Variants in ADGRB3 observed in about 807,000 individuals in gnomAD.
ADGRB3 encodes brain-specific angiogenesis inhibitor 3.
A neutral mutation model predicts 193.4 loss-of-function variants in ADGRB3; 37 were observed. The observed-to-expected ratio is 0.19, with a 90% CI of 0.15 to 0.25. ADGRB3 has a LOEUF of 0.25. ADGRB3 is among the 10% of genes least tolerant of loss of function. ADGRB3 has a pLI of 1.00. For synonymous variants in ADGRB3, 690 were observed against 644.2 expected, an observed-to-expected ratio of 1.07 and a Z score of -1.08; for missense variants, 1,637 against 1,852.9, an observed-to-expected ratio of 0.88 and a Z score of 2.14.
chr6:68,936,950 A>G (rs1007614099), intron 5 of ADGRB3, among the ~76,000 whole-genome samples: 3 of 152,296 alleles, frequency 2.0e-5, no homozygotes, highest in Middle Eastern at 3.4e-3. Context: ...TTAAGGTTCA[A>G]TTATCTTTCT....
chr6:68,997,682 A>C (rs144435613), intron 11 of ADGRB3, among the ~76,000 whole-genome samples: 1 of 127,800 alleles, frequency 7.8e-6, no homozygotes, highest in Non-Finnish European at 1.6e-5. Flanking sequence ...TAAATAAATA[A>C]ATAAAATTAT....
intron 20 of ADGRB3, among the ~76,000 whole-genome samples, chr6:69,290,381 G>C (rs188937374): frequency 1.3e-5 from 2 of 152,084 alleles, no homozygotes; most frequent in Non-Finnish European, 2.9e-5. Flanking sequence ...ATTGGTAGCA[G>C]GAGCTGGTCT....
intron 3 of ADGRB3, among the ~76,000 whole-genome samples, chr6:68,732,651 C>T (rs1372509249): frequency 6.6e-6 from 1 of 151,830 alleles, no homozygotes; most frequent in African/African-American, 2.4e-5. Flanking sequence ...GTTTAAAGTG[C>T]CTGAGATCGT....
At chr6:68,838,330 C>T (rs868249939) in intron 3 of ADGRB3, among the ~76,000 whole-genome samples, 4 of 152,312 alleles carry the variant, frequency 2.6e-5, no homozygotes, top group Non-Finnish European at 5.9e-5. Context: ...CATTTATAAA[C>T]TGTAAAACTC....
chr6:68,639,511 A>T, intron 3 of ADGRB3, 79 bp downstream of exon 3: 1 of 1,403,844 alleles, frequency 7.1e-7, no homozygotes, highest in Non-Finnish European at 9.4e-7. Context: ...TTCAACACAC[A>T]GGCCTAATTA....
intron 20 of ADGRB3, among the ~76,000 whole-genome samples, chr6:69,256,962 A>G (rs1582583660): frequency 8.5e-6 from 1 of 117,694 alleles, no homozygotes; most frequent in Non-Finnish European, 1.9e-5. Flanking sequence ...TGAGATAATC[A>G]TGTGGTTTTT....
chr6:69,384,144 C>T (rs1770010895), intron 31 of ADGRB3, among the ~76,000 whole-genome samples: 1 of 151,918 alleles, frequency 6.6e-6, no homozygotes, highest in Non-Finnish European at 1.5e-5. Context: ...TATAGCATGG[C>T]TATGATCATT....
chr6:68,945,812 G>T (rs570646196), intron 6 of ADGRB3, among the ~76,000 whole-genome samples: 43 of 152,200 alleles, frequency 2.8e-4, no homozygotes, highest in African/African-American at 9.9e-4. Context: ...CAGTTCAGAT[G>T]TGAAAACTTA....
At chr6:69,270,770 C>G (rs1188903338) in intron 20 of ADGRB3, among the ~76,000 whole-genome samples, 1 of 152,140 alleles carries the variant, frequency 6.6e-6, no homozygotes, top group Non-Finnish European at 1.5e-5. Context: ...ACATTTTCCC[C>G]AGGTTCATTT....
In ADGRB3 at chr6:69,105,822, A is replaced by G. The variant is rs186817224; in HGVS notation, c.2480+29784A>G. The stretch of plus-strand genomic sequence containing the variant: ...AGCCTAGCACCAGGGAGATCCAGTT[A>G]CCTTGTTGAATGGGGGAAAACAAAT... On this transcript the variant is annotated intron_variant, in intron 17 of 31. Coordinates refer to ENST00000370598, the MANE Select transcript of ADGRB3 (RefSeq NM_001704.3). Among the ~76,000 whole-genome samples, 160 of 152,268 alleles carry G rather than the reference A, an allele frequency of 1.1e-3. 1 individual carries two copies. Among genetic ancestry groups the G allele is most frequent in the African/African-American group, 3.8e-3 (157 of 41,546 alleles).
intron 3 of ADGRB3, among the ~76,000 whole-genome samples, chr6:68,647,704 G>T (rs1768249302): frequency 6.6e-6 from 1 of 152,144 alleles, no homozygotes; most frequent in Admixed American, 6.6e-5. Flanking sequence ...TATCATTGCT[G>T]ATCGGCAGCA....
At chr6:68,738,293 C>A (rs1306753916) in intron 3 of ADGRB3, among the ~76,000 whole-genome samples, 1 of 152,094 alleles carries the variant, frequency 6.6e-6, no homozygotes, top group Non-Finnish European at 1.5e-5. Context: ...ACTTGTATTA[C>A]CTTGCAGGCC....
At chr6:68,801,541 T>C (rs1178527343) in intron 3 of ADGRB3, among the ~76,000 whole-genome samples, 2 of 151,748 alleles carry the variant, frequency 1.3e-5, no homozygotes, top group African/African-American at 4.8e-5. Flanking sequence ...TACAAAAAAA[T>C]GGCTGGGTGT....
At chr6:69,258,135 T>C (rs919637871) in intron 20 of ADGRB3, among the ~76,000 whole-genome samples, 4 of 152,156 alleles carry the variant, frequency 2.6e-5, no homozygotes, top group Non-Finnish European at 4.4e-5. Flanking sequence ...AATGAAATGG[T>C]ATTCGCAGAG....
chr6:69,192,967 A>G (rs987278046), intron 17 of ADGRB3, among the ~76,000 whole-genome samples: 1 of 152,170 alleles, frequency 6.6e-6, no homozygotes, highest in Non-Finnish European at 1.5e-5. Context: ...TTATTTTCCT[A>G]GGAGTTTTAT....
At chr6:69,176,807 A>G (rs1450018392) in intron 17 of ADGRB3, among the ~76,000 whole-genome samples, 1 of 152,160 alleles carries the variant, frequency 6.6e-6, no homozygotes, top group Non-Finnish European at 1.5e-5. Flanking sequence ...TAATTTCAGA[A>G]CTCAATATTG....
At chr6:68,845,858 G>T (rs1466338083) in intron 3 of ADGRB3, among the ~76,000 whole-genome samples, 3 of 152,134 alleles carry the variant, frequency 2.0e-5, no homozygotes, top group Non-Finnish European at 2.9e-5. Flanking sequence ...CTGCTGAAAA[G>T]ATACCCCAAA....
intron 8 of ADGRB3, among the ~76,000 whole-genome samples, chr6:68,957,659 A>C (rs1465138751): frequency 2.6e-5 from 4 of 152,156 alleles, no homozygotes; most frequent in African/African-American, 9.7e-5. Context: ...CAGTGAGTAC[A>C]GCTGGTTGTG....
At chr6:68,729,182 C>T (rs891853986) in intron 3 of ADGRB3, among the ~76,000 whole-genome samples, 1 of 151,604 alleles carries the variant, frequency 6.6e-6, no homozygotes, top group Non-Finnish European at 1.5e-5. Flanking sequence ...CCCTGTTGCC[C>T]TTCTCTGGGC....
Sources: allele counts gnomAD v4.1 joint callset (sites outside exome capture counted in the v4.1 genomes callset), GRCh38; gene constraint gnomAD v4.1.1; transcripts MANE v1.5; gene names NCBI Gene and HGNC (gene_info 2026-07-23, HGNC 2026-07-21).